Variants in AGBL2 observed in about 807,000 individuals in gnomAD.
AGBL2 encodes the protein AGBL carboxypeptidase 2.
A neutral mutation model predicts 103.0 loss-of-function variants in AGBL2; 87 were observed. That is an observed-to-expected ratio of 0.84 (90% confidence interval 0.71 to 1.01). The LOEUF (loss-of-function observed/expected upper bound fraction) is 1.01. Ranked by LOEUF, AGBL2 falls within the 50% of genes least tolerant of loss-of-function variation. The pLI is 0.00. For synonymous variants in AGBL2, 335 were observed against 356.7 expected (o/e 0.94, Z 0.69); for missense variants, 904 against 1,023.5 (o/e 0.88, Z 1.59).
chr11:47,692,327 C>T, intron 8 of AGBL2, 71 bp from the exon 9 acceptor site: 1 of 1,347,608 alleles, frequency 7.4e-7, no homozygotes. Context: ...CTTAAGTGGC[C>T]CCTCTAAGTG....
chr11:47,711,599 T>G (rs950557324), intron 3 of AGBL2, among the ~76,000 whole-genome samples: 10 of 152,188 alleles, frequency 6.6e-5, no homozygotes, highest in Admixed American at 5.2e-4. Context: ...AGTAGCGCAA[T>G]CTCAGCTCAC....
Position 47,660,208 on chromosome 11 carries a change from C to G in AGBL2, c.2674G>C (p.Ala892Pro), listed in dbSNP as rs868535240. 6.2e-7 allele frequency: 1 copy of G among 1,613,984 alleles called. No homozygotes were observed. Among genetic ancestry groups the G allele is most frequent in the African/African-American group, 1.3e-5 (1 of 74,942 alleles). Residue 892 changes from alanine (A) to proline (P), a missense_variant, in exon 19 of 19, where the codon GCA (alanine) becomes CCA (proline). Transcript: ENST00000525123. Reference protein sequence around the residue: ...ATKRGCAAMAAYPSLHIYTYP With the variant: ...ATKRGCAAMAPYPSLHIYTYP The stretch of plus-strand genomic sequence containing the variant: ...GTGTATATGTGCAAGGATGGGTATG[C>G]CGCCATGGCAGCACAGCCTCTCTTT...
chr11:47,711,783 C>T (rs1280006692), intron 3 of AGBL2, among the ~76,000 whole-genome samples: 2 of 152,186 alleles, frequency 1.3e-5, no homozygotes, highest in Non-Finnish European at 2.9e-5. Context: ...GATCTGCCCA[C>T]CTTGGCCTCC....
At chr11:47,696,010 C>CAAA (rs1171058500) in intron 8 of AGBL2, among the ~76,000 whole-genome samples, 54 of 17,196 alleles carry the variant, frequency 3.1e-3, no homozygotes, top group Non-Finnish European at 4.2e-3. Flanking sequence ...ACTAAAAATA[C>CAAA]AAAAAAAAAA....
At position 47,714,363 on chromosome 11, in the gene AGBL2, C is replaced by T. The variant is rs1180385317; in HGVS notation, c.34-16G>A. 6.2e-7 allele frequency: 1 copy of T among 1,607,122 alleles called. No individual in the cohort carries two copies. The highest frequency in any genetic ancestry group is 8.5e-7 in the Non-Finnish European group (1 of 1,174,468). On this transcript the variant is annotated splice_polypyrimidine_tract_variant and intron_variant, in intron 2 of 18. Transcript: ENST00000525123. ...CAGGAATAGTCTGTGAAAGGAAAGGCCACTTCAATCAAGATAATGTTTTCA... is the reference window on the plus strand; with the variant it reads ...CAGGAATAGTCTGTGAAAGGAAAGGTCACTTCAATCAAGATAATGTTTTCA...
chr11:47,683,847 C>T (rs2097412164), intron 11 of AGBL2, among the ~76,000 whole-genome samples: 1 of 150,534 alleles, frequency 6.6e-6, no homozygotes, highest in South Asian at 2.1e-4. Flanking sequence ...CTTTGGGAGG[C>T]TGAGGTGGTG....
Position 47,660,192 on chromosome 11 carries a change from T to C in AGBL2, c.2690A>G (p.His897Arg), listed in dbSNP as rs1327789928. 1.9e-6 allele frequency: 3 copies of C among 1,613,970 alleles called. No individual in the cohort carries two copies. The highest frequency in any genetic ancestry group is 3.3e-5 in the Admixed American group (2 of 59,988). Residue 897 changes from histidine (H) to arginine (R), a missense_variant, in exon 19 of 19, where the codon CAC becomes CGC. Transcript: ENST00000525123. ...GCTCACCTACGGGTATGTGTATATG[T>C]GCAAGGATGGGTATGCCGCCATGGC... Reference protein sequence around the residue: ...CAAMAAYPSLHIYTYP With the variant: ...CAAMAAYPSLRIYTYP
At position 47,673,865 on chromosome 11, in the gene AGBL2, C is replaced by T. The variant is rs919564462; in HGVS notation, c.2147+3406G>A. Reference sequence around the variant, plus strand: ...CTGTAATCCCAGCACTTGAGGAGGCCGAGATGGGTGGATCACCTGAGGTCA... The same window carrying T: ...CTGTAATCCCAGCACTTGAGGAGGCTGAGATGGGTGGATCACCTGAGGTCA... On this transcript the variant is annotated intron_variant, in intron 14 of 18. Coordinates refer to ENST00000525123, the MANE Select transcript of AGBL2 (RefSeq NM_024783.4). 3.3e-5 allele frequency among the ~76,000 whole-genome samples: 5 copies of T among 150,538 alleles called. No homozygotes were observed. In the South Asian group the frequency reaches 8.4e-4, roughly 25 times the overall value.
chr11:47,675,563 A>G (rs909187245), intron 14 of AGBL2, among the ~76,000 whole-genome samples: 3 of 151,218 alleles, frequency 2.0e-5, no homozygotes, highest in African/African-American at 7.3e-5. Flanking sequence ...TAATTTTTGT[A>G]TTTTTAATAG....
intron 8 of AGBL2, among the ~76,000 whole-genome samples, chr11:47,693,437 G>A (rs144362657): frequency 2.1e-4 from 32 of 152,194 alleles, no homozygotes; most frequent in African/African-American, 7.5e-4. Context: ...ATTCTTTTGA[G>A]TGTGGCTATA....
rs143917002 is a variant in AGBL2, at chr11:47,690,332, C to T, written c.1375G>A (p.Ala459Thr). 3.7e-6 allele frequency: 6 copies of T among 1,613,830 alleles called. No individual in the cohort carries two copies. The South Asian group carries it at 6.6e-5, about 18-fold the overall frequency. The change falls in exon 10 of 19, where the codon GCC becomes ACC. Residue 459 changes from alanine to threonine, a missense_variant. Transcript: ENST00000525123. ...TTACTTTCTCCAGGGTGAACTCTGG[C>T]ACTCAAGACCACAGCTTTCTTTGCA... ...AAAKKAVVLSARVHPGESNGS... is the reference protein window; with the variant it reads ...AAAKKAVVLSTRVHPGESNGS...
At chr11:47,666,391 C>CA (rs35531290) in intron 17 of AGBL2, among the ~76,000 whole-genome samples, 47,359 of 111,040 alleles carry the variant, frequency 0.43, 9,292 homozygotes, top group South Asian at 0.55. Flanking sequence ...GACTCCATCT[C>CA]AAAAAAAAAA....
At chr11:47,675,754 G>A (rs891477142) in intron 14 of AGBL2, among the ~76,000 whole-genome samples, 23 of 151,922 alleles carry the variant, frequency 1.5e-4, no homozygotes, top group Non-Finnish European at 2.8e-4. Context: ...GCTTGTAATC[G>A]CAGCACTTTG....
chr11:47,680,234 G>A (rs537076383), intron 12 of AGBL2, among the ~76,000 whole-genome samples, 161 bp from the exon 13 acceptor site: 5 of 148,254 alleles, frequency 3.4e-5, no homozygotes, highest in East Asian at 2.1e-4. Flanking sequence ...GGCAGATCAC[G>A]AGGTCAGGAG....
At chr11:47,709,400 A>G (rs1336369510) in intron 4 of AGBL2, among the ~76,000 whole-genome samples, 2 of 151,724 alleles carry the variant, frequency 1.3e-5, no homozygotes, top group Non-Finnish European at 2.9e-5. Flanking sequence ...TGTAGAGAAA[A>G]GAGGGGTGGA....
chr11:47,687,281 C>T (rs2097427759), intron 10 of AGBL2, among the ~76,000 whole-genome samples: 2 of 151,870 alleles, frequency 1.3e-5, no homozygotes. Context: ...GGCCCATTAA[C>T]ACCAGAACTG....
chr11:47,666,471 C>T (rs2097341701), intron 17 of AGBL2: 2 of 230,886 alleles, frequency 8.7e-6, no homozygotes, highest in South Asian at 2.6e-4. Context: ...GAGTGTCTCT[C>T]CTCTGTGTTG....
At chr11:47,690,899 C>T in intron 9 of AGBL2, 41 bp from the exon 10 acceptor site, 3 of 1,511,084 alleles carry the variant, frequency 2.0e-6, no homozygotes, top group South Asian at 1.2e-5. Flanking sequence ...AGCTTACACC[C>T]TGCCTTAAAA....
chr11:47,673,263 G>A (rs1276539538), intron 14 of AGBL2, among the ~76,000 whole-genome samples: 1 of 152,136 alleles, frequency 6.6e-6, no homozygotes, highest in Non-Finnish European at 1.5e-5. Flanking sequence ...AAGGTGGGTG[G>A]ATCACTTGAG....
Sources: allele counts gnomAD v4.1 joint callset (sites outside exome capture counted in the v4.1 genomes callset), GRCh38; gene constraint gnomAD v4.1.1; transcripts MANE v1.5; gene names NCBI Gene and HGNC (gene_info 2026-07-23, HGNC 2026-07-21).